The following XPO6 variants were observed in gnomAD, a reference collection of about 807,000 sequenced individuals.
The protein encoded by XPO6 is exportin-6.
Under a neutral mutation model 130.0 loss-of-function variants are expected in XPO6, and 3 were observed. The ratio of observed to expected loss-of-function variants is 0.02; its 90% CI spans 0.01 to 0.06. XPO6 has a LOEUF of 0.06. Ranked by LOEUF, XPO6 falls within the 10% of genes least tolerant of loss-of-function variation. The pLI, the probability that XPO6 is intolerant of heterozygous loss-of-function variation, is 1.00. For synonymous variants in XPO6, 524 were observed against 548.9 expected, an observed-to-expected ratio of 0.95 and a Z score of 0.63; for missense variants, 970 against 1,393.0, an observed-to-expected ratio of 0.70 and a Z score of 4.83.
Position 28,106,493 on chromosome 16 carries a change from C to G in XPO6, c.2502G>C (p.Val834=), listed in dbSNP as rs1373009363. Residue 834 remains valine, a synonymous_variant, in exon 19 of 24, where the codon GTG becomes GTC. Coordinates refer to ENST00000304658, the MANE Select transcript of XPO6 (RefSeq NM_015171.4). This position sits in a 1 kb window ranked among gnomAD's most constrained non-coding sequence, Gnocchi z 4.2. ...LFPAFIHQSD[V]TDEMLSFFLT... ...GGAAGAAGCTCAGCATCTCATCAGT[C>G]ACATCTGAGGAAAGGGGCAGAGATA... 3 of 1,613,600 alleles carry G rather than the reference C, an allele frequency of 1.9e-6. No homozygotes were observed. Among genetic ancestry groups the G allele is most frequent in the Non-Finnish European group, 2.5e-6 (3 of 1,179,664 alleles).
At chr16:28,207,452 T>C (rs2044050946) in intron 1 of XPO6, among the ~76,000 whole-genome samples, 1 of 152,138 alleles carries the variant, frequency 6.6e-6, no homozygotes, top group African/African-American at 2.4e-5. Context: ...CACTTAAGAA[T>C]CCATGGGAAT....
intron 1 of XPO6, among the ~76,000 whole-genome samples, chr16:28,191,302 T>C (rs1401227768): frequency 6.6e-6 from 1 of 152,130 alleles, no homozygotes; most frequent in Non-Finnish European, 1.5e-5. Context: ...CCAAAAAAAG[T>C]AAATGATAAA....
intron 17 of XPO6, among the ~76,000 whole-genome samples, chr16:28,109,228 G>C (rs1409046276): frequency 6.6e-6 from 1 of 151,630 alleles, no homozygotes; most frequent in Non-Finnish European, 1.5e-5. Context: ...ATAATAATAG[G>C]AGAATGGGGT....
At chr16:28,155,199 G>A (rs891100389) in intron 7 of XPO6, among the ~76,000 whole-genome samples, 4 of 152,096 alleles carry the variant, frequency 2.6e-5, no homozygotes, top group African/African-American at 9.7e-5. Context: ...TAATAACAAA[G>A]GACAATCTAA....
intron 14 of XPO6, among the ~76,000 whole-genome samples, chr16:28,119,464 T>C (rs1429161140): frequency 6.6e-6 from 1 of 152,116 alleles, no homozygotes; most frequent in Admixed American, 6.6e-5. Flanking sequence ...TCTAATATAA[T>C]GGAAATAATT....
chr16:28,144,835 G>T (rs1329842566), intron 9 of XPO6, among the ~76,000 whole-genome samples: 1 of 152,162 alleles, frequency 6.6e-6, no homozygotes, highest in African/African-American at 2.4e-5. Context: ...TGAGGAAACA[G>T]AAGCTTCCAC....
chr16:28,149,237 G>A (rs532333674), intron 8 of XPO6, among the ~76,000 whole-genome samples: 1 of 152,168 alleles, frequency 6.6e-6, no homozygotes, highest in East Asian at 1.9e-4. Context: ...CAGAGACATA[G>A]GTTTATAGAC....
At chr16:28,188,203 A>C (rs895712276) in intron 1 of XPO6, among the ~76,000 whole-genome samples, 1 of 152,220 alleles carries the variant, frequency 6.6e-6, no homozygotes, top group Non-Finnish European at 1.5e-5. Flanking sequence ...ATGCCTCTCA[A>C]AGTTCTGGGA....
At chr16:28,131,642 A>G (rs1358216046) in intron 12 of XPO6, among the ~76,000 whole-genome samples, 2 of 152,220 alleles carry the variant, frequency 1.3e-5, no homozygotes, top group Non-Finnish European at 2.9e-5. Context: ...CCCTGGGTAA[A>G]TTAACATCTC....
At chr16:28,146,334 C>T (rs2042982309) in intron 8 of XPO6, 131 bp from the exon 9 acceptor site, 2 of 732,854 alleles carry the variant, frequency 2.7e-6, no homozygotes, top group Non-Finnish European at 4.5e-6. Flanking sequence ...TTCCTGGTAA[C>T]CAAAACTGGT....
chr16:28,163,197 G>A (rs1003071815), intron 6 of XPO6, among the ~76,000 whole-genome samples: 1 of 152,200 alleles, frequency 6.6e-6, no homozygotes, highest in Non-Finnish European at 1.5e-5. Flanking sequence ...TAAGATCACA[G>A]GAGTTGTAAG....
At chr16:28,107,790 G>A (rs536792280) in intron 17 of XPO6, 113 bp from the exon 18 acceptor site, 71 of 1,163,886 alleles carry the variant, frequency 6.1e-5, no homozygotes, top group Middle Eastern at 4.1e-4. Context: ...ATGATCACAC[G>A]AGTCTCACTA....
chr16:28,172,291 T>C (rs1005715014), intron 4 of XPO6, among the ~76,000 whole-genome samples: 3 of 152,196 alleles, frequency 2.0e-5, no homozygotes, highest in African/African-American at 4.8e-5. Flanking sequence ...GCCTGTAACA[T>C]AGGTAATCTC....
chr16:28,151,423 C>T (rs1000057066), intron 8 of XPO6, among the ~76,000 whole-genome samples: 1 of 152,094 alleles, frequency 6.6e-6, no homozygotes, highest in Non-Finnish European at 1.5e-5. Flanking sequence ...ACAACGCAAA[C>T]GAAGCTCACA....
At chr16:28,104,735 T>C in intron 20 of XPO6, 28 bp from the exon 21 acceptor site, 3 of 1,611,756 alleles carry the variant, frequency 1.9e-6, no homozygotes, top group Middle Eastern at 1.7e-4. Context: ...CGCTCAGACC[T>C]GCAGCTTGCG....
chr16:28,192,262 C>CAAAA (rs11429447), intron 1 of XPO6, among the ~76,000 whole-genome samples: 1 of 82,446 alleles, frequency 1.2e-5, no homozygotes, highest in Non-Finnish European at 2.5e-5. Flanking sequence ...GACTCCGTCT[C>CAAAA]AAAAAAAAAA....
chr16:28,098,135 C>T lies in XPO6; in HGVS notation c.*403G>A, dbSNP rs8049141. 1,514 of 167,478 alleles carry T rather than the reference C, an allele frequency of 9.0e-3. 30 individuals are homozygous for T. Among genetic ancestry groups the T allele is most frequent in the African/African-American group, 0.034 (1,439 of 42,164 alleles). 10.4% of individuals were successfully genotyped at this position (167,478 alleles called of 1,614,324 possible). On this transcript the variant is annotated 3_prime_UTR_variant, in exon 24 of 24. Transcript: ENST00000304658. Reference sequence around the variant, plus strand: ...GGCAATTGGGGCGGGGGAGGCTTGACAGAAGTGCCAGAGCAGTTCCAACGT... The same window carrying T: ...GGCAATTGGGGCGGGGGAGGCTTGATAGAAGTGCCAGAGCAGTTCCAACGT...
chr16:28,112,845 G>T, intron 16 of XPO6, 59 bp downstream of exon 16: 1 of 1,562,936 alleles, frequency 6.4e-7, no homozygotes. Flanking sequence ...TTCTTCCTCA[G>T]CTTCCTTGGG....
chr16:28,153,349 G>C, intron 7 of XPO6: 4 of 985,788 alleles, frequency 4.1e-6, no homozygotes, highest in Non-Finnish European at 4.8e-6. Context: ...AAGGGAGGAA[G>C]GCTATTAGAA....
Sources: allele counts gnomAD v4.1 joint callset (sites outside exome capture counted in the v4.1 genomes callset), GRCh38; gene constraint gnomAD v4.1.1; non-coding constraint Gnocchi (gnomAD v3.1); transcripts MANE v1.5; gene names NCBI Gene and HGNC (gene_info 2026-07-23, HGNC 2026-07-21).